The following MAST2 variants were observed in gnomAD, a reference collection of about 807,000 sequenced individuals.
MAST2 encodes the protein microtubule associated serine/threonine kinase 2.
MAST2 carries 70 observed loss-of-function variants against 147.4 expected under a neutral mutation model. The ratio of observed to expected loss-of-function variants is 0.47; its 90% CI spans 0.39 to 0.58. The LOEUF (loss-of-function observed/expected upper bound fraction) is 0.58. MAST2 is among the 20% of genes least tolerant of loss of function. The pLI, the probability that MAST2 is intolerant of heterozygous loss-of-function variation, is 0.00. For missense variants in MAST2, 2,080 were observed against 2,302.3 expected (o/e 0.90, Z 1.98); for synonymous variants, 869 against 896.8 (o/e 0.97, Z 0.55).
At chr1:45,878,978 C>G (rs1214690082) in intron 3 of MAST2, among the ~76,000 whole-genome samples, 1 of 148,716 alleles carries the variant, frequency 6.7e-6, no homozygotes, top group Non-Finnish European at 1.5e-5. Context: ...AAATTCAAAT[C>G]GAAATGCAAG....
At chr1:45,987,597 C>T (rs945986000) in intron 5 of MAST2, among the ~76,000 whole-genome samples, 3 of 152,060 alleles carry the variant, frequency 2.0e-5, no homozygotes, top group African/African-American at 7.2e-5. Context: ...CAAACGTTAG[C>T]CACTATGCCT....
intron 4 of MAST2, among the ~76,000 whole-genome samples, chr1:45,913,326 C>G (rs1651960167): frequency 6.6e-6 from 1 of 152,220 alleles, no homozygotes; most frequent in Admixed American, 6.5e-5. Flanking sequence ...CTTCCAGTCC[C>G]TTGCCCACTG....
intron 13 of MAST2, 27 bp downstream of exon 13, chr1:46,022,998 TC>T (rs1646253192): frequency 6.3e-7 from 1 of 1,599,710 alleles, no homozygotes; most frequent in African/African-American, 1.3e-5. Flanking sequence ...CCTACCCCAT[TC>T]CTGGAGCCTG....
At chr1:45,954,843 CT>C (rs1463227062) in intron 4 of MAST2, among the ~76,000 whole-genome samples, 2 of 152,104 alleles carry the variant, frequency 1.3e-5, no homozygotes, top group Admixed American at 6.5e-5. Flanking sequence ...AGTGTTTTGG[CT>C]TTTATTTTAA....
chr1:45,919,005 C>A (rs1653024332), intron 4 of MAST2, among the ~76,000 whole-genome samples: 1 of 152,186 alleles, frequency 6.6e-6, no homozygotes, highest in African/African-American at 2.4e-5. Context: ...TACCTGTAAT[C>A]CCTGCTACTC....
At chr1:45,955,804 T>C (rs2148888711) in intron 4 of MAST2, among the ~76,000 whole-genome samples, 2 of 152,296 alleles carry the variant, frequency 1.3e-5, no homozygotes, top group East Asian at 1.9e-4. Flanking sequence ...TAATGCCTTG[T>C]AGGCCATCAT....
At chr1:45,907,702 C>T (rs1650998490) in intron 4 of MAST2, among the ~76,000 whole-genome samples, 1 of 152,168 alleles carries the variant, frequency 6.6e-6, no homozygotes, top group Non-Finnish European at 1.5e-5. Flanking sequence ...AAACTCTGTG[C>T]CCATTAAGCA....
At chr1:45,841,791 G>T (rs561515365) in intron 3 of MAST2, among the ~76,000 whole-genome samples, 2 of 152,196 alleles carry the variant, frequency 1.3e-5, no homozygotes, top group East Asian at 3.9e-4. Flanking sequence ...TTTCCTTAGG[G>T]GTATTTATGG....
intron 2 of MAST2, among the ~76,000 whole-genome samples, chr1:45,825,443 T>C (rs1412538103): frequency 6.6e-6 from 1 of 152,100 alleles, no homozygotes; most frequent in African/African-American, 2.4e-5. Context: ...TCTTCTCTTT[T>C]TTTTTTTGAG....
rs762559363 is a variant in MAST2, at chr1:46,022,068, G to A, written c.1409G>A (p.Arg470Gln). 10 of 1,614,118 alleles carry A rather than the reference G, an allele frequency of 6.2e-6. No homozygotes were observed. The highest frequency in any genetic ancestry group is 2.2e-5 in the South Asian group (2 of 91,080). Reference protein sequence around the residue: ...RYIVSQLGLTRDPLEEMAQLS... With the variant: ...RYIVSQLGLTQDPLEEMAQLS... ...ATCGTTAGCCAGCTGGGCCTCACCC[G>A]GGATCCCCTAGAAGGTGAGCATGCT... Residue 470 changes from arginine to glutamine, a missense_variant, in exon 12 of 29, where the codon CGG (arginine) becomes CAG (glutamine). Around this residue, in one of 4 missense-constraint regions of MAST2, gnomAD observed 569 missense variants for 642.5 expected, o/e 0.89. Transcript: ENST00000361297.
chr1:45,853,506 A>G (rs961171122), intron 3 of MAST2, among the ~76,000 whole-genome samples: 3 of 151,666 alleles, frequency 2.0e-5, no homozygotes, highest in Non-Finnish European at 4.4e-5. Flanking sequence ...GGTGTGTACC[A>G]TCACGCCTGT....
At chr1:45,906,103 T>C (rs543660762) in intron 4 of MAST2, among the ~76,000 whole-genome samples, 2 of 152,234 alleles carry the variant, frequency 1.3e-5, no homozygotes, top group Non-Finnish European at 2.9e-5. Context: ...GTGAAATGTG[T>C]TCAGATATTT....
chr1:45,921,152 C>T (rs1309154700), intron 4 of MAST2, among the ~76,000 whole-genome samples: 5 of 152,176 alleles, frequency 3.3e-5, no homozygotes, highest in South Asian at 2.1e-4. Flanking sequence ...ACCGCCACCA[C>T]GCCCAGCTAA....
chr1:45,981,764 C>T (rs113267191), intron 5 of MAST2, among the ~76,000 whole-genome samples: 2 of 151,872 alleles, frequency 1.3e-5, no homozygotes, highest in African/African-American at 4.8e-5. Flanking sequence ...AGATTTTTCT[C>T]ACTGTCATAA....
At chr1:46,014,869 T>C (rs1351907749) in intron 10 of MAST2, among the ~76,000 whole-genome samples, 1 of 152,190 alleles carries the variant, frequency 6.6e-6, no homozygotes, top group Admixed American at 6.5e-5. Flanking sequence ...CAACAGAATA[T>C]ACATTTTTTT....
At chr1:45,859,315 G>A (rs1184845470) in intron 3 of MAST2, among the ~76,000 whole-genome samples, 1 of 152,178 alleles carries the variant, frequency 6.6e-6, no homozygotes, top group African/African-American at 2.4e-5. Flanking sequence ...GGCCAGGCTA[G>A]TCTCAAACTC....
At chr1:45,857,290 G>A (rs75677634) in intron 3 of MAST2, among the ~76,000 whole-genome samples, 1,570 of 152,152 alleles carry the variant, frequency 0.01, 18 homozygotes, top group South Asian at 0.018. Flanking sequence ...CTAGGATATT[G>A]GAATGAGGAA....
intron 1 of MAST2, among the ~76,000 whole-genome samples, chr1:45,820,972 T>C (rs965775391): frequency 6.9e-6 from 1 of 144,144 alleles, no homozygotes; most frequent in Non-Finnish European, 1.5e-5. Flanking sequence ...CAATCTTGGC[T>C]CACTGCAGTG....
chr1:46,031,254 G>T lies in MAST2; in HGVS notation c.2956G>T (p.Glu986Ter), dbSNP rs1482504711. Residue 986 changes from glutamate to a stop codon, truncating the protein, a stop_gained, in exon 23 of 29, where the codon GAG becomes TAG. Coordinates refer to ENST00000361297, the MANE Select transcript of MAST2 (RefSeq NM_015112.3). LOFTEE classifies it high-confidence loss of function. This position sits in a 1 kb window ranked among gnomAD's most constrained non-coding sequence, Gnocchi z 4.1. ...AGGGGAGCAGCGGCCAAAGCTGGAT[G>T]AGGAAGCTGTTGGCCGGAGCAGTGG... ...HSGEQRPKLD[E>*]EAVGRSSGSS... 6.5e-7 allele frequency: 1 copy of T among 1,536,966 alleles called. No homozygotes were observed. The highest frequency in any genetic ancestry group is 8.8e-7 in the Non-Finnish European group (1 of 1,139,298).
Sources: allele counts gnomAD v4.1 joint callset (sites outside exome capture counted in the v4.1 genomes callset), GRCh38; gene constraint gnomAD v4.1.1; regional missense constraint gnomAD v4.1.1; non-coding constraint Gnocchi (gnomAD v3.1); transcripts MANE v1.5; gene names NCBI Gene and HGNC (gene_info 2026-07-23, HGNC 2026-07-21).